The following TMEM72 variants were observed in gnomAD, a reference collection of about 807,000 sequenced individuals.
The protein encoded by TMEM72 is kidney-specific secretory protein of 37 kDa.
TMEM72 carries 9 observed loss-of-function variants against 16.3 expected under a neutral mutation model. The ratio of observed to expected loss-of-function variants is 0.55; its 90% CI spans 0.33 to 0.96. TMEM72 has a LOEUF of 0.96. Among genes scored for constraint, TMEM72 ranks in the 40% least tolerant of loss-of-function variants. The pLI, the probability that TMEM72 is intolerant of heterozygous loss-of-function variation, is 0.03. For synonymous variants in TMEM72, 160 were observed against 146.5 expected (o/e 1.09, Z -0.66); for missense variants, 324 against 337.8 (o/e 0.96, Z 0.32).
At chr10:44,916,276 A>G (rs74762874) in intron 1 of TMEM72, among the ~76,000 whole-genome samples, 8,831 of 152,178 alleles carry the variant, frequency 0.058, 323 homozygotes, top group Non-Finnish European at 0.064. Context: ...CTTGGAATCA[A>G]CCTGGAATCA....
At chr10:44,933,987 A>C (rs970689859) in intron 4 of TMEM72, among the ~76,000 whole-genome samples, 2 of 152,164 alleles carry the variant, frequency 1.3e-5, no homozygotes, top group Admixed American at 1.3e-4. Context: ...CAAGAAGTGC[A>C]TCCTTCCTTC....
Position 44,935,413 on chromosome 10 carries a change from A to C in TMEM72, c.*279A>C, listed in dbSNP as rs1589051193. ...CTTATGCTTCCCCAACAAGACCATC[A>C]CTGCCACTGCGCACGAGGCTGCAGG... On this transcript the variant is annotated 3_prime_UTR_variant, in exon 5 of 5. Transcript: ENST00000389583. 2.6e-6 allele frequency: 1 copy of C among 387,264 alleles called. No individual in the cohort carries two copies. The allele number at this position is 387,264 out of a possible 1,614,324, so 24.0% of individuals were successfully genotyped here.
At chr10:44,925,403 A>G (rs1840170024) in intron 1 of TMEM72, among the ~76,000 whole-genome samples, 1 of 152,246 alleles carries the variant, frequency 6.6e-6, no homozygotes, top group South Asian at 2.1e-4. Context: ...CAAATTGGCC[A>G]ACATGACGTG....
chr10:44,923,735 C>G (rs1014416026), intron 1 of TMEM72, among the ~76,000 whole-genome samples: 1 of 152,238 alleles, frequency 6.6e-6, no homozygotes, highest in Non-Finnish European at 1.5e-5. Context: ...CTCTGCCCCC[C>G]TACTGCCCAG....
In TMEM72 at chr10:44,920,243, G is replaced by A. The variant is rs181745814; in HGVS notation, c.71-7678G>A. ...GTGTGGCCTCTGATGACTGTGAAGC[G>A]TCCCATGTTACCACCAAGGGCATCA... On this transcript the variant is annotated intron_variant, in intron 1 of 4. Transcript: ENST00000389583. 1.6e-4 allele frequency: 24 copies of A among 152,386 alleles called. No homozygotes were observed. In the East Asian group the frequency reaches 3.5e-3, roughly 22 times the overall value. 9.4% of individuals were successfully genotyped at this position (152,386 alleles called of 1,614,324 possible). A position where few individuals can be genotyped will look rare whatever the true frequency, so the allele number is the denominator to read the frequency against.
At chr10:44,931,617 G>A (rs1840298710) in intron 2 of TMEM72, among the ~76,000 whole-genome samples, 1 of 152,220 alleles carries the variant, frequency 6.6e-6, no homozygotes, top group Non-Finnish European at 1.5e-5. Context: ...TGGATAATAG[G>A]AAAAGGAAGA....
chr10:44,911,535 C>T lies in TMEM72; in HGVS notation c.23C>T (p.Thr8Ile). 1 of 1,551,376 alleles carries T rather than the reference C, an allele frequency of 6.4e-7. No homozygotes were observed. Among genetic ancestry groups the T allele is most frequent in the Non-Finnish European group, 8.7e-7 (1 of 1,147,266 alleles). Residue 8 changes from threonine to isoleucine, a missense_variant, in exon 1 of 5, where the codon ACT (threonine) becomes ATT (isoleucine). Coordinates refer to ENST00000389583, the MANE Select transcript of TMEM72 (RefSeq NM_001123376.3). Reference protein sequence around the residue: MQLQVFWTGLEYTCRLLG... With the variant: MQLQVFWIGLEYTCRLLG... ...ACCATGCAGCTCCAGGTGTTCTGGA[C>T]TGGGCTGGAATACACCTGCCGGCTC...
chr10:44,933,603 A>T, intron 3 of TMEM72, 34 bp from the exon 4 acceptor site: 1 of 1,591,840 alleles, frequency 6.3e-7, no homozygotes, highest in South Asian at 1.1e-5. Flanking sequence ...TTTTCCTGGG[A>T]CACATTATGC....
At chr10:44,930,730 A>G (rs575753881) in intron 2 of TMEM72, among the ~76,000 whole-genome samples, 3 of 152,334 alleles carry the variant, frequency 2.0e-5, no homozygotes, top group African/African-American at 7.2e-5. Flanking sequence ...AGAAATGATA[A>G]CTAGAATTGA....
intron 3 of TMEM72, 44 bp downstream of exon 3, chr10:44,932,113 C>A (rs1477499533): frequency 6.3e-7 from 1 of 1,589,160 alleles, no homozygotes; most frequent in Middle Eastern, 1.9e-4. Flanking sequence ...CACCCCAGCC[C>A]CAGACACCAC....
At chr10:44,918,991 A>G (rs1386784580) in intron 1 of TMEM72, among the ~76,000 whole-genome samples, 4 of 152,244 alleles carry the variant, frequency 2.6e-5, no homozygotes, top group African/African-American at 9.6e-5. Context: ...GGTACCCAGT[A>G]TATGGGATTT....
chr10:44,914,701 T>C (rs1232339765), intron 1 of TMEM72, among the ~76,000 whole-genome samples: 1 of 152,010 alleles, frequency 6.6e-6, no homozygotes. Context: ...CTGTGACAGG[T>C]TCTCAGCACA....
chr10:44,913,272 C>T (rs1365062302), intron 1 of TMEM72, among the ~76,000 whole-genome samples: 2 of 152,152 alleles, frequency 1.3e-5, no homozygotes, highest in Non-Finnish European at 2.9e-5. Flanking sequence ...CTGTAAAATG[C>T]CAAGAATCCC....
At chr10:44,927,778 C>T in intron 1 of TMEM72, 143 bp from the exon 2 acceptor site, 2 of 791,052 alleles carry the variant, frequency 2.5e-6, no homozygotes, top group Non-Finnish European at 4.2e-6. Context: ...CTAGTCACAG[C>T]TGCCTGTATC....
At chr10:44,931,210 T>A (rs745499831) in intron 2 of TMEM72, among the ~76,000 whole-genome samples, 4 of 152,208 alleles carry the variant, frequency 2.6e-5, no homozygotes, top group Non-Finnish European at 4.4e-5. Context: ...TAGCTTCTTG[T>A]GTTGTCAAGG....
Position 44,934,740 on chromosome 10 carries a change from C to T in TMEM72, c.434C>T (p.Ser145Phe), listed in dbSNP as rs763762621. ...KRKAAPEVLA[S>F]PEQYTDPSSS... ...AAAGCTGCCCCCGAGGTGCTGGCCT[C>T]CCCAGAGCAGTACACAGACCCCTCT... is the stretch of plus-strand genomic sequence containing the variant. The change falls in exon 5 of 5, where the codon TCC becomes TTC. Residue 145 changes from serine (S) to phenylalanine (F), a missense_variant. Coordinates refer to ENST00000389583, the MANE Select transcript of TMEM72 (RefSeq NM_001123376.3). 9 of 1,613,480 alleles carry T rather than the reference C, an allele frequency of 5.6e-6. No individual in the cohort carries two copies. Among genetic ancestry groups the T allele is most frequent in the Non-Finnish European group, 6.8e-6 (8 of 1,179,992 alleles).
chr10:44,914,464 C>T (rs150717291), intron 1 of TMEM72, among the ~76,000 whole-genome samples: 2 of 152,298 alleles, frequency 1.3e-5, no homozygotes, highest in Non-Finnish European at 2.9e-5. Context: ...TGCATGCGCC[C>T]GTGTGATGTC....
intron 1 of TMEM72, chr10:44,919,830 T>C (rs1840067154): frequency 6.6e-6 from 1 of 152,238 alleles, no homozygotes; most frequent in Non-Finnish European, 1.5e-5. Context: ...GGCTCATGTA[T>C]ATCAGCTGAA....
At chr10:44,921,537 C>T (rs1840098641) in intron 1 of TMEM72, among the ~76,000 whole-genome samples, 1 of 152,212 alleles carries the variant, frequency 6.6e-6, no homozygotes, top group African/African-American at 2.4e-5. Context: ...TTGTTTGTCT[C>T]CATTGATTGG....
Sources: gnomAD v4.1 joint callset for allele counts (sites outside exome capture counted in the v4.1 genomes callset) on GRCh38, gnomAD v4.1.1 for gene constraint, MANE v1.5 for transcripts, NCBI Gene and HGNC (gene_info 2026-07-23, HGNC 2026-07-21) for gene names.